Variants in PARP10 observed in about 807,000 individuals in gnomAD.
The protein encoded by PARP10 is poly(ADP-ribose) polymerase family member 10, also known as protein mono-ADP-ribosyltransferase PARP10.
PARP10 carries 56 observed loss-of-function variants against 82.4 expected under a neutral mutation model. That is an observed-to-expected ratio of 0.68 (90% CI 0.55 to 0.85). The LOEUF is 0.85. Ranked by LOEUF, PARP10 falls within the 40% of genes least tolerant of loss-of-function variation. The probability of loss-of-function intolerance (pLI) is 0.00; values close to 1 mark genes in which losing one functional copy is unlikely to be tolerated. For synonymous variants in PARP10, 576 were observed against 601.1 expected (o/e 0.96, Z 0.61); for missense variants, 1,227 against 1,379.4 (o/e 0.89, Z 1.75).
In PARP10 at chr8:143,983,594, C is replaced by G. The variant is rs761978687; in HGVS notation, c.1995G>C (p.Glu665Asp). The G allele has an allele frequency of 2.1e-5, 33 of 1,605,064 alleles. No individual in the cohort carries two copies. The highest frequency in any genetic ancestry group is 2.5e-5 in the Non-Finnish European group (29 of 1,175,826). The change falls in exon 8 of 11, where the codon GAG (glutamate) becomes GAC (aspartate). Residue 665 changes from glutamate (E) to aspartate (D), a missense_variant. Physicochemically the swap from Glu to Asp is conservative, Grantham distance 45 (BLOSUM62 2). Coordinates refer to ENST00000313028, the MANE Select transcript of PARP10 (RefSeq NM_032789.5). ...CCTGCTCAGCCACCTGACCTTGAGG[C>G]TCCAGTGACCGGTGGAGGGCCAGCT... The part of the protein sequence containing the change: ...ALQLALHRSL[E>D]PQGQVAEQEE...
chr8:143,990,087 G>T (rs1337479923), upstream of PARP10: 1 of 151,182 alleles, frequency 6.6e-6, no homozygotes, highest in Non-Finnish European at 1.5e-5. This position sits in a 1 kb window ranked among gnomAD's most constrained non-coding sequence, Gnocchi z 5.6. Flanking sequence ...CGAGCCGCAG[G>T]CGCAGGCCCA....
chr8:143,984,351 C>G lies in PARP10; in HGVS notation c.1539G>C (p.Leu513Phe), dbSNP rs1554748614. Reference protein sequence around the residue: ...SLLGSISCHVLCLEHPGSARF... With the variant: ...SLLGSISCHVFCLEHPGSARF... ...TGGCGCTGCCCGGGTGCTCCAGGCA[C>G]AACACATGGCAGCTAATGCTGCCCA... The change falls in exon 6 of 11, where the codon TTG (leucine) becomes TTC (phenylalanine). Residue 513 changes from leucine to phenylalanine, a missense_variant. Transcript: ENST00000313028. 2 of 1,613,666 alleles carry G rather than the reference C, an allele frequency of 1.2e-6. No homozygotes were observed. Among genetic ancestry groups the G allele is most frequent in the Admixed American group, 1.7e-5 (1 of 60,016 alleles).
At chr8:143,992,929 C>T, upstream of PARP10, 1 of 1,124,276 alleles carries the variant, frequency 8.9e-7, no homozygotes, top group Non-Finnish European at 1.3e-6. Context: ...TACTTCCCCT[C>T]TCTCTTGTCC....
At chr8:144,009,838 C>T (rs1202965336) in intron 1 of PARP10, among the ~76,000 whole-genome samples, 1 of 152,226 alleles carries the variant, frequency 6.6e-6, no homozygotes, top group Admixed American at 6.5e-5. Context: ...GACCAGCCCA[C>T]CCAGCACCAC....
chr8:144,012,294 G>A, intron 1 of PARP10: 1 of 565,166 alleles, frequency 1.8e-6, no homozygotes, highest in Non-Finnish European at 3.2e-6. Flanking sequence ...TCCAGGCCGA[G>A]GCAAGGCCTG....
rs782360810 is a variant in PARP10 at position 143,984,563 on chromosome 8, G to C, written c.1439C>G (p.Pro480Arg). Residue 480 changes from proline (P) to arginine (R), a missense_variant, in exon 5 of 11, where the codon CCG becomes CGG. Transcript: ENST00000313028. ...ACTCACCCGAAAGCCAGTCATATCC[G>C]GTCCTTCAAGTGGCAAGAGAGCGAC... ...GDVALLPLEG[P>R]DMTGFRLCGA... 7.9e-5 allele frequency: 127 copies of C among 1,612,130 alleles called. No homozygotes were observed. Among genetic ancestry groups the C allele is most frequent in the Middle Eastern group, 3.3e-4 (2 of 6,072 alleles).
rs1382985448 is a variant in PARP10 at position 144,008,521 on chromosome 8, A to C, written c.-80+4009T>G. ...GCAAAAGCAAGTGGGACAACACTGG[A>C]GGTTTGTTCACAGTGAGCCCCTAAC... is the stretch of plus-strand genomic sequence containing the variant. On this transcript the variant is annotated intron_variant, in intron 1 of 3. Coordinates refer to the PARP10 transcript ENST00000530478. The surrounding 1 kb of genome is among the most constrained non-coding windows in gnomAD (Gnocchi z 4.0). Among the ~76,000 whole-genome samples the C allele has an allele frequency of 2.0e-5, 3 of 152,170 alleles. No homozygotes were observed. Among genetic ancestry groups the C allele is most frequent in the African/African-American group, 7.2e-5 (3 of 41,428 alleles).
chr8:143,977,319 C>T lies in PARP10; in HGVS notation c.*165G>A. ...GGCTGGGACCTAGCCCGGCCCCCCT[C>T]GGCCGCTGCTGACCGCCATCCCCCA... is the stretch of plus-strand genomic sequence containing the variant. On this transcript the variant is annotated 3_prime_UTR_variant, in exon 11 of 11. Coordinates refer to ENST00000313028, the MANE Select transcript of PARP10 (RefSeq NM_032789.5). 1.3e-6 allele frequency: 1 copy of T among 759,966 alleles called. No homozygotes were observed. The highest frequency in any genetic ancestry group is 2.1e-6 in the Non-Finnish European group (1 of 486,272). 47.1% of individuals were successfully genotyped at this position (759,966 alleles called of 1,614,324 possible). A position where few individuals can be genotyped will look rare whatever the true frequency, so the allele number is the denominator to read the frequency against.
rs1554752196 is a variant in PARP10, at chr8:144,008,061, C to T, written c.-80+4469G>A. 6.6e-6 allele frequency among the ~76,000 whole-genome samples: 1 copy of T among 152,220 alleles called. No individual in the cohort carries two copies. Among genetic ancestry groups the T allele is most frequent in the African/African-American group, 2.4e-5 (1 of 41,464 alleles). On this transcript the variant is annotated intron_variant, in intron 1 of 3. Coordinates refer to the PARP10 transcript ENST00000530478. This position sits in a 1 kb window ranked among gnomAD's most constrained non-coding sequence, Gnocchi z 4.0. The stretch of plus-strand genomic sequence containing the variant: ...CAAATGCCAACTGAATCTGTGGGAG[C>T]ACAGACTAGACAACTACCTCCCGGC...
chr8:143,999,151 C>T (rs1043740816), intron 1 of PARP10, among the ~76,000 whole-genome samples: 2 of 151,828 alleles, frequency 1.3e-5, no homozygotes, highest in African/African-American at 4.8e-5. Context: ...AAGATCCTTC[C>T]GCCTCAACCT....
Position 143,977,273 on chromosome 8 carries a change from C to T in PARP10, c.*211G>A. ...TGTCGCCTCCTGGGCTCTGCTGACC[C>T]CTGGTGGTGGGGTCGGCCCAGGCTG... On this transcript the variant is annotated 3_prime_UTR_variant, in exon 11 of 11. Coordinates refer to ENST00000313028, the MANE Select transcript of PARP10 (RefSeq NM_032789.5). 3.4e-6 allele frequency: 2 copies of T among 580,838 alleles called. No individual in the cohort carries two copies. Among genetic ancestry groups the T allele is most frequent in the South Asian group, 2.3e-5 (1 of 43,188 alleles). The allele number at this position is 580,838 out of a possible 1,614,324, so 36.0% of individuals were successfully genotyped here. A position where few individuals can be genotyped will look rare whatever the true frequency, so the allele number is the denominator to read the frequency against.
chr8:143,984,034 C>G lies in PARP10; in HGVS notation c.1751G>C (p.Gly584Ala). ...AHTLWTPDSTGGDQEDVSLEE... is the reference protein window; with the variant it reads ...AHTLWTPDSTAGDQEDVSLEE... ...CAGGCTCACGTCCTCCTGGTCACCA[C>G]CTGTACTGTCTGGGGTCCACAGGGT... The change falls in exon 7 of 11, where the codon GGT becomes GCT. Residue 584 changes from glycine to alanine, a missense_variant. Transcript: ENST00000313028. 1 of 1,531,008 alleles carries G rather than the reference C, an allele frequency of 6.5e-7. No homozygotes were observed. Among genetic ancestry groups the G allele is most frequent in the Non-Finnish European group, 8.8e-7 (1 of 1,140,874 alleles). 94.8% of individuals were successfully genotyped at this position (1,531,008 alleles called of 1,614,324 possible).
upstream of PARP10, chr8:143,992,473 C>CG: frequency 6.2e-7 from 1 of 1,614,156 alleles, no homozygotes; most frequent in Non-Finnish European, 8.5e-7. Context: ...AGACCCGCTA[C>CG]GACTTCACCT....
At chr8:144,000,675 A>G (rs1243573684) in intron 1 of PARP10, among the ~76,000 whole-genome samples, 1 of 152,146 alleles carries the variant, frequency 6.6e-6, no homozygotes, top group Non-Finnish European at 1.5e-5. Flanking sequence ...ACTGATACCA[A>G]ATTCTGACAA....
upstream of PARP10, among the ~76,000 whole-genome samples, chr8:143,994,267 G>A (rs1401856649): frequency 6.6e-6 from 1 of 152,216 alleles, no homozygotes; most frequent in African/African-American, 2.4e-5. Context: ...GGGGTGCCCA[G>A]AGCCAAGCTC....
At position 144,009,046 on chromosome 8, in the gene PARP10, C is replaced by G. The variant is rs141088171; in HGVS notation, c.-80+3484G>C. On this transcript the variant is annotated intron_variant, in intron 1 of 3. Transcript: ENST00000530478. ...AAGGAGGGGCTGGAAGCAGCAGAGG[C>G]GTGGTGGGCCACAGTCTTCCCTGGC... 2.9e-3 allele frequency among the ~76,000 whole-genome samples: 448 copies of G among 152,142 alleles called. 1 individual carries two copies. Among genetic ancestry groups the G allele is most frequent in the Non-Finnish European group, 4.8e-3 (328 of 68,010 alleles).
At chr8:144,003,741 T>C (rs114336235) in intron 1 of PARP10, among the ~76,000 whole-genome samples, 5 of 151,950 alleles carry the variant, frequency 3.3e-5, no homozygotes, top group African/African-American at 4.8e-5. Flanking sequence ...GAAATCTGCA[T>C]AGGGGCCGGC....
At chr8:144,009,947 T>C (rs747798533) in intron 1 of PARP10, among the ~76,000 whole-genome samples, 3 of 152,180 alleles carry the variant, frequency 2.0e-5, no homozygotes, top group Middle Eastern at 3.2e-3. Flanking sequence ...GTGGCCTCCT[T>C]ACTGTGTGCC....
intron 1 of PARP10, among the ~76,000 whole-genome samples, chr8:144,002,094 T>C (rs1423886224): frequency 6.6e-6 from 1 of 152,108 alleles, no homozygotes; most frequent in Admixed American, 6.6e-5. Context: ...ATGCTGATAA[T>C]TGTACAAGCT....
Sources: gnomAD v4.1 joint callset for allele counts (sites outside exome capture counted in the v4.1 genomes callset) on GRCh38, gnomAD v4.1.1 for gene constraint, Gnocchi (gnomAD v3.1) non-coding constraint, MANE v1.5 for transcripts, NCBI Gene and HGNC (gene_info 2026-07-23, HGNC 2026-07-21) for gene names.